ANO2: variants seen among roughly 807,000 people sequenced by gnomAD.
The protein encoded by ANO2 is anoctamin-2.
A neutral mutation model predicts 124.2 loss-of-function variants in ANO2; 101 were observed. The observed-to-expected ratio is 0.81, with a 90% CI of 0.69 to 0.96. ANO2 has a LOEUF of 0.96. Ranked by LOEUF, ANO2 falls within the 40% of genes least tolerant of loss-of-function variation. ANO2 has a pLI of 0.00. For missense variants in ANO2, 1,293 were observed against 1,274.5 expected (o/e 1.01, Z -0.22); for synonymous variants, 486 against 482.5 (o/e 1.01, Z -0.09).
intron 17 of ANO2, 116 bp downstream of exon 17, chr12:5,615,070 G>A (rs1250275718): frequency 7.1e-6 from 5 of 699,336 alleles, no homozygotes; most frequent in South Asian, 6.3e-5. Flanking sequence ...AAGTGGGGCG[G>A]AGAAGGGGCT....
chr12:5,905,056 C>T lies in ANO2; in HGVS notation c.534+15984G>A, dbSNP rs373102255. Among the ~76,000 whole-genome samples, 7 of 152,342 alleles carry T rather than the reference C, an allele frequency of 4.6e-5. No individual in the cohort carries two copies. In the East Asian group the frequency reaches 7.7e-4, roughly 17 times the overall value. On this transcript the variant is annotated intron_variant, in intron 3 of 24. Coordinates refer to ENST00000682330, the MANE Select transcript of ANO2 (RefSeq NM_001364791.2). The stretch of plus-strand genomic sequence containing the variant: ...CATGCCAAGCTCAGACAGCAGGAAC[C>T]TCATCCCTGGAGAGGGAGGACACGG...
chr12:5,827,948 G>T, intron 6 of ANO2, 128 bp from the exon 7 acceptor site: 1 of 963,462 alleles, frequency 1.0e-6, no homozygotes, highest in Non-Finnish European at 1.5e-6. Context: ...ACGAAGCCAA[G>T]CATGTGCCTG....
intron 4 of ANO2, among the ~76,000 whole-genome samples, chr12:5,851,549 G>A (rs940275265): frequency 3.9e-5 from 6 of 152,090 alleles, no homozygotes; most frequent in Non-Finnish European, 5.9e-5. Flanking sequence ...GCTGGGCATG[G>A]TGATGAGCAC....
At chr12:5,565,533 G>A in intron 24 of ANO2, 25 bp downstream of exon 24, 1 of 1,557,574 alleles carries the variant, frequency 6.4e-7, no homozygotes, top group African/African-American at 1.4e-5. Context: ...ATTCGAATGG[G>A]CTATTCCCTA....
At chr12:5,878,161 T>TA in intron 3 of ANO2, among the ~76,000 whole-genome samples, 1 of 152,248 alleles carries the variant, frequency 6.6e-6, no homozygotes, top group Admixed American at 6.5e-5. Flanking sequence ...ATAATAATTA[T>TA]GACTCTCTGT....
intron 14 of ANO2, among the ~76,000 whole-genome samples, chr12:5,723,182 T>C (rs1278944225): frequency 1.3e-5 from 2 of 152,180 alleles, no homozygotes; most frequent in Admixed American, 6.5e-5. Context: ...CCAGTAGCCA[T>C]TCCCTAACTG....
chr12:5,610,723 CATATATAT>C (rs377499491), intron 19 of ANO2, among the ~76,000 whole-genome samples: 2 of 116,896 alleles, frequency 1.7e-5, no homozygotes, highest in Admixed American at 9.5e-5. Flanking sequence ...CACATATATA[CATATATAT>C]ATATATATAT....
At chr12:5,745,893 C>T (rs1158743109) in intron 11 of ANO2, among the ~76,000 whole-genome samples, 1 of 152,210 alleles carries the variant, frequency 6.6e-6, no homozygotes, top group Non-Finnish European at 1.5e-5. Flanking sequence ...TTTATGTCTT[C>T]TGGGTCAGAC....
At chr12:5,584,315 C>A (rs1942980798) in intron 20 of ANO2, among the ~76,000 whole-genome samples, 1 of 152,208 alleles carries the variant, frequency 6.6e-6, no homozygotes, top group South Asian at 2.1e-4. Flanking sequence ...CCTTTCTCCT[C>A]ACTAACAGGT....
intron 1 of ANO2, among the ~76,000 whole-genome samples, chr12:5,930,437 G>T (rs1942310295): frequency 6.6e-6 from 1 of 152,128 alleles, no homozygotes; most frequent in Non-Finnish European, 1.5e-5. Context: ...GTTGGGAGAT[G>T]AAGTGGTCCA....
chr12:5,865,475 A>T (rs1056084965), intron 3 of ANO2, among the ~76,000 whole-genome samples: 3 of 151,970 alleles, frequency 2.0e-5, no homozygotes, highest in Admixed American at 1.3e-4. Context: ...TCACACCATC[A>T]TGCATTCACA....
intron 24 of ANO2, 59 bp from the exon 25 acceptor site, chr12:5,563,627 G>A (rs997615340): frequency 6.9e-6 from 11 of 1,593,742 alleles, no homozygotes; most frequent in South Asian, 1.1e-5. Context: ...GGGAGGTGGC[G>A]GCCCTGGAGC....
At chr12:5,813,461 T>A (rs992115022) in intron 7 of ANO2, among the ~76,000 whole-genome samples, 6 of 152,224 alleles carry the variant, frequency 3.9e-5, no homozygotes, top group African/African-American at 1.4e-4. Flanking sequence ...TCAGCAAATG[T>A]GGCATGGGAC....
chr12:5,927,386 G>A (rs1942130628), intron 1 of ANO2, among the ~76,000 whole-genome samples: 1 of 152,192 alleles, frequency 6.6e-6, no homozygotes, highest in Non-Finnish European at 1.5e-5. Flanking sequence ...TGAAGAAGGG[G>A]TAGGATCAGA....
chr12:5,788,116 G>A (rs1198831923), intron 10 of ANO2, among the ~76,000 whole-genome samples: 1 of 152,146 alleles, frequency 6.6e-6, no homozygotes, highest in African/African-American at 2.4e-5. Flanking sequence ...GTGCTCTGCT[G>A]AGTCTCTGTG....
chr12:5,717,798 G>C (rs931338170), intron 14 of ANO2, among the ~76,000 whole-genome samples: 1 of 152,184 alleles, frequency 6.6e-6, no homozygotes, highest in Non-Finnish European at 1.5e-5. Context: ...CTGTGTTCTT[G>C]GGGAATATTA....
intron 14 of ANO2, among the ~76,000 whole-genome samples, chr12:5,676,417 G>A (rs376038209): frequency 1.2e-4 from 18 of 152,134 alleles, no homozygotes; most frequent in African/African-American, 4.3e-4. Flanking sequence ...ATGGCTCCCT[G>A]TTCACAATAA....
chr12:5,629,723 A>T (rs2136929987), intron 16 of ANO2, among the ~76,000 whole-genome samples: 1 of 152,200 alleles, frequency 6.6e-6, no homozygotes, highest in African/African-American at 2.4e-5. Flanking sequence ...CCCCCGCAGC[A>T]CTCAAACTCC....
chr12:5,678,467 CTT>C (rs1235925648), intron 14 of ANO2, among the ~76,000 whole-genome samples: 1 of 152,130 alleles, frequency 6.6e-6, no homozygotes, highest in Non-Finnish European at 1.5e-5. Context: ...TCGGCCTTCT[CTT>C]TGCCAGAGGA....
Sources: gnomAD v4.1 joint callset for allele counts (sites outside exome capture counted in the v4.1 genomes callset) on GRCh38, gnomAD v4.1.1 for gene constraint, MANE v1.5 for transcripts, NCBI Gene and HGNC (gene_info 2026-07-23, HGNC 2026-07-21) for gene names.